The following CNTNAP5 variants were observed in gnomAD, a reference collection of about 807,000 sequenced individuals.
CNTNAP5 encodes the protein contactin-associated protein-like 5.
In CNTNAP5, 72 loss-of-function variants were observed where a neutral mutation model predicts 150.2. The ratio of observed to expected loss-of-function variants is 0.48; its 90% CI spans 0.40 to 0.58. The LOEUF is 0.58. CNTNAP5 is among the 20% of genes least tolerant of loss of function. The probability of loss-of-function intolerance (pLI) is 0.00; values close to 1 mark genes in which losing one functional copy is unlikely to be tolerated. For missense variants in CNTNAP5, 1,636 were observed against 1,626.2 expected, an observed-to-expected ratio of 1.01 and a Z score of -0.10; for synonymous variants, 672 against 619.8, an observed-to-expected ratio of 1.08 and a Z score of -1.25.
intron 10 of CNTNAP5, among the ~76,000 whole-genome samples, chr2:124,536,225 GA>G (rs1251999583): frequency 3.3e-5 from 5 of 152,182 alleles, no homozygotes; most frequent in South Asian, 4.1e-4. Flanking sequence ...TCACAGAGGG[GA>G]AAAAAAGTTA....
At chr2:124,223,938 G>A (rs765261150) in intron 2 of CNTNAP5, among the ~76,000 whole-genome samples, 8 of 151,660 alleles carry the variant, frequency 5.3e-5, no homozygotes, top group Non-Finnish European at 1.0e-4. Flanking sequence ...AAGGGGGACA[G>A]CCTCTCCTTT....
intron 1 of CNTNAP5, among the ~76,000 whole-genome samples, chr2:124,094,818 C>T (rs1177434941): frequency 1.3e-5 from 2 of 152,134 alleles, no homozygotes; most frequent in African/African-American, 4.8e-5. Context: ...GCACCTCTCT[C>T]CAGATTGGTG....
chr2:124,200,378 T>C (rs1305942986), intron 1 of CNTNAP5, among the ~76,000 whole-genome samples: 4 of 152,200 alleles, frequency 2.6e-5, no homozygotes, highest in Non-Finnish European at 5.9e-5. Context: ...CCACTCATTG[T>C]TATGGTTTTC....
chr2:124,728,289 G>A (rs1680202640), intron 13 of CNTNAP5, among the ~76,000 whole-genome samples: 1 of 151,930 alleles, frequency 6.6e-6, no homozygotes, highest in Non-Finnish European at 1.5e-5. Flanking sequence ...GGGCAATGCT[G>A]GCCTTTTAAA....
At chr2:124,081,838 C>G (rs901717616) in intron 1 of CNTNAP5, among the ~76,000 whole-genome samples, 3 of 152,168 alleles carry the variant, frequency 2.0e-5, no homozygotes, top group Non-Finnish European at 4.4e-5. Flanking sequence ...GTTTCCATTA[C>G]CAGTTTCTCC....
intron 1 of CNTNAP5, among the ~76,000 whole-genome samples, chr2:124,086,774 T>G (rs1327449906): frequency 2.0e-5 from 3 of 151,694 alleles, no homozygotes; most frequent in Non-Finnish European, 2.9e-5. Context: ...ATAATCCCTG[T>G]CTTTTAAGTG....
chr2:124,323,322 G>T (rs1238836147), intron 3 of CNTNAP5, among the ~76,000 whole-genome samples: 1 of 152,068 alleles, frequency 6.6e-6, no homozygotes, highest in African/African-American at 2.4e-5. Flanking sequence ...GCTGTAATAG[G>T]GGAGCACCAA....
intron 19 of CNTNAP5, among the ~76,000 whole-genome samples, chr2:124,826,817 T>C: frequency 6.6e-6 from 1 of 152,198 alleles, no homozygotes; most frequent in East Asian, 1.9e-4. Context: ...GGTAAATGTG[T>C]ACCTTCCCAG....
At chr2:124,823,034 A>C (rs1011507822) in intron 19 of CNTNAP5, among the ~76,000 whole-genome samples, 1 of 152,216 alleles carries the variant, frequency 6.6e-6, no homozygotes, top group Non-Finnish European at 1.5e-5. Context: ...GCAAAATACA[A>C]ACAACACAGA....
intron 12 of CNTNAP5, among the ~76,000 whole-genome samples, chr2:124,627,252 A>G (rs2105004402): frequency 6.6e-6 from 1 of 152,262 alleles, no homozygotes; most frequent in African/African-American, 2.4e-5. Context: ...TCTCAAGCGG[A>G]TCCCTGACCC....
intron 10 of CNTNAP5, among the ~76,000 whole-genome samples, chr2:124,554,972 A>G (rs1262953649): frequency 2.0e-5 from 3 of 152,204 alleles, no homozygotes; most frequent in Non-Finnish European, 2.9e-5. Context: ...TAAAAACTCA[A>G]TGAATGATTA....
chr2:124,335,831 C>T (rs79434802), intron 3 of CNTNAP5, among the ~76,000 whole-genome samples: 2,225 of 151,996 alleles, frequency 0.015, 52 homozygotes, highest in African/African-American at 0.05. Context: ...GCCAACTATG[C>T]CGGATTTGCA....
At chr2:124,117,935 C>A (rs984202835) in intron 1 of CNTNAP5, among the ~76,000 whole-genome samples, 1 of 152,000 alleles carries the variant, frequency 6.6e-6, no homozygotes, top group Non-Finnish European at 1.5e-5. Flanking sequence ...AAATACAAAA[C>A]ATTAGCTAGG....
intron 3 of CNTNAP5, among the ~76,000 whole-genome samples, chr2:124,251,445 T>G (rs1031918285): frequency 1.4e-5 from 2 of 147,948 alleles, no homozygotes; most frequent in Non-Finnish European, 3.0e-5. Flanking sequence ...CTGGAGTTAT[T>G]TCAACTTGAA....
In CNTNAP5 at chr2:124,474,817, C is replaced by G; in HGVS notation, c.997C>G (p.Leu333Val). Residue 333 changes from leucine (L) to valine (V), a missense_variant, in exon 7 of 24, where the codon CTT becomes GTT. Coordinates refer to ENST00000682447, the MANE Select transcript of CNTNAP5 (RefSeq NM_001367498.1). ...AAACTTCCATGGATGCATCGAAAAC[C>G]TTTACTACAATGGAGTAAACATAAT... ...KKNFHGCIENLYYNGVNIIDL... is the reference protein window; with the variant it reads ...KKNFHGCIENVYYNGVNIIDL... 3 of 1,607,716 alleles carry G rather than the reference C, an allele frequency of 1.9e-6. No homozygotes were observed. Among genetic ancestry groups the G allele is most frequent in the Non-Finnish European group, 2.5e-6 (3 of 1,177,544 alleles).
At chr2:124,481,883 G>T (rs1693768504) in intron 7 of CNTNAP5, among the ~76,000 whole-genome samples, 1 of 152,136 alleles carries the variant, frequency 6.6e-6, no homozygotes, top group African/African-American at 2.4e-5. Context: ...AACTAGAAAT[G>T]AATATAATTG....
chr2:124,459,585 C>CA (rs1693200446), intron 6 of CNTNAP5, among the ~76,000 whole-genome samples: 1 of 151,852 alleles, frequency 6.6e-6, no homozygotes, highest in African/African-American at 2.4e-5. Context: ...AACCCCATCT[C>CA]TACTAAAAAC....
In CNTNAP5 at chr2:124,244,947, A is replaced by C. The variant is rs981557831; in HGVS notation, c.381+2554A>C. ...CACACAACCAGAAACTGGTGGCAAA[A>C]TATTTCACAACTAAGATTTATTCCT... On this transcript the variant is annotated intron_variant, in intron 3 of 23. Coordinates refer to ENST00000682447, the MANE Select transcript of CNTNAP5 (RefSeq NM_001367498.1). Among the ~76,000 whole-genome samples, 7 of 152,192 alleles carry C rather than the reference A, an allele frequency of 4.6e-5. 1 individual carries two copies. Among genetic ancestry groups the C allele is most frequent in the Non-Finnish European group, 8.8e-5 (6 of 68,014 alleles).
intron 10 of CNTNAP5, among the ~76,000 whole-genome samples, chr2:124,557,041 T>A (rs942921876): frequency 1.3e-5 from 2 of 151,146 alleles, no homozygotes; most frequent in African/African-American, 4.9e-5. Context: ...CTAAGTTGCA[T>A]CATGCATAAG....
Sources: gnomAD v4.1 joint callset for allele counts (sites outside exome capture counted in the v4.1 genomes callset) on GRCh38, gnomAD v4.1.1 for gene constraint, MANE v1.5 for transcripts, NCBI Gene and HGNC (gene_info 2026-07-23, HGNC 2026-07-21) for gene names.